Variants in COL4A4 observed in about 807,000 individuals in gnomAD.
COL4A4 encodes collagen type IV alpha 4 chain, also known as collagen alpha-4(IV) chain.
Under a neutral mutation model 192.9 loss-of-function variants are expected in COL4A4, and 105 were observed. The ratio of observed to expected loss-of-function variants is 0.54; its 90% confidence interval spans 0.46 to 0.64. The LOEUF (loss-of-function observed/expected upper bound fraction) is 0.64, where lower values mean the gene tolerates loss of function less well. COL4A4 is among the 30% of genes least tolerant of loss of function. COL4A4 has a pLI of 0.00. For synonymous variants in COL4A4, 762 were observed against 769.9 expected, an observed-to-expected ratio of 0.99 and a Z score of 0.17; for missense variants, 1,967 against 2,169.3, an observed-to-expected ratio of 0.91 and a Z score of 1.85.
chr2:227,004,618 G>A lies in COL4A4; in HGVS notation c.*2707C>T, dbSNP rs1259456654. 6.6e-6 allele frequency: 1 copy of A among 152,326 alleles called. No individual in the cohort carries two copies. Among genetic ancestry groups the A allele is most frequent in the Non-Finnish European group, 1.5e-5 (1 of 68,114 alleles). The allele number at this position is 152,326 out of a possible 1,614,324, so 9.4% of individuals were successfully genotyped here. A position where few individuals can be genotyped will look rare whatever the true frequency, so the allele number is the denominator to read the frequency against. On this transcript the variant is annotated 3_prime_UTR_variant, in exon 48 of 48. Transcript: ENST00000396625. ...GAGGTGGAAAACAAAGGCTGTGTGA[G>A]ACGGGCACGGGGCTAAAGAGGAGGT...
the COL4A4 span, among the ~76,000 whole-genome samples, chr2:226,975,227 G>T: frequency 1.3e-5 from 2 of 152,036 alleles, no homozygotes; most frequent in African/African-American, 4.8e-5. Flanking sequence ...TAGAAAAGGT[G>T]GAATCGATGC....
At chr2:227,052,501 A>T (rs1376753621) in intron 31 of COL4A4, 89 bp from the exon 32 acceptor site, 9 of 796,916 alleles carry the variant, frequency 1.1e-5, no homozygotes, top group Non-Finnish European at 2.0e-5. Flanking sequence ...CAAATCGCAA[A>T]TTCCCACTTA....
chr2:227,007,465 C>CA lies in COL4A4; in HGVS notation c.4932_4933insT (p.Ala1645CysfsTer3), dbSNP rs1198837162. The CA allele has an allele frequency of 2.5e-6, 4 of 1,614,008 alleles. No homozygotes were observed. The highest frequency in any genetic ancestry group is 1.3e-5 in the African/African-American group (1 of 74,918). On this transcript the variant is annotated frameshift_variant, in exon 48 of 48. Transcript: ENST00000396625. LOFTEE classifies it high-confidence loss of function. ...GTGAGCCAGAAGCTATACTTATTTG[C>CA]GAAAAAGTGGCAAGTTCCCTGCCGG...
intron 18 of COL4A4, 73 bp downstream of exon 18, chr2:227,099,547 C>T: frequency 7.3e-7 from 1 of 1,373,368 alleles, no homozygotes; most frequent in Non-Finnish European, 1.0e-6. Flanking sequence ...AATACTGGGC[C>T]AGACTCTTCT....
At chr2:227,065,219 C>T (rs113263886) in intron 25 of COL4A4, among the ~76,000 whole-genome samples, 5,759 of 152,338 alleles carry the variant, frequency 0.038, 366 homozygotes, top group African/African-American at 0.13. Flanking sequence ...ACATCCCGCA[C>T]CTGGCTCGGA....
intron 44 of COL4A4, among the ~76,000 whole-genome samples, chr2:227,021,825 A>AAAAATAAAAT (rs58851340): frequency 7.6e-4 from 114 of 149,144 alleles, no homozygotes; most frequent in East Asian, 2.8e-3. Flanking sequence ...ACTCCATCTC[A>AAAAATAAAAT]AAAATAAAAT....
intron 12 of COL4A4, among the ~76,000 whole-genome samples, chr2:227,107,243 C>A (rs917395476): frequency 1.3e-5 from 2 of 152,124 alleles, no homozygotes; most frequent in Non-Finnish European, 2.9e-5. Flanking sequence ...TGTTTTGATA[C>A]ATTTTAAGTT....
rs1371732376 is a variant in COL4A4, at chr2:227,088,662, T to C, written c.1614A>G (p.Pro538=). Residue 538 remains proline (P), a synonymous_variant, in exon 22 of 48, where the codon CCA becomes CCG. Coordinates refer to ENST00000396625, the MANE Select transcript of COL4A4 (RefSeq NM_000092.5). ...DPGPPGAEGP[P]GLPGKHGASG... ...GGTAAGAGGTACTCACTGGTAGCCC[T>C]GGAGGTCCTTCAGCACCAGGAGGTC... 1 of 1,614,178 alleles carries C rather than the reference T, an allele frequency of 6.2e-7. No homozygotes were observed. The highest frequency in any genetic ancestry group is 1.6e-4 in the Middle Eastern group (1 of 6,062).
At chr2:227,007,652 G>A in intron 47 of COL4A4, 64 bp from the exon 48 acceptor site, 2 of 1,603,296 alleles carry the variant, frequency 1.2e-6, no homozygotes, top group Non-Finnish European at 1.7e-6. Context: ...ACCCAATCAG[G>A]GACACACCCA....
At chr2:226,986,927 C>G in the COL4A4 span, among the ~76,000 whole-genome samples, 2 of 152,336 alleles carry the variant, frequency 1.3e-5, no homozygotes, top group South Asian at 4.1e-4. Context: ...GGGGCCAACC[C>G]AAATGCCCAT....
the COL4A4 span, among the ~76,000 whole-genome samples, chr2:226,993,079 T>C: frequency 6.6e-6 from 1 of 152,248 alleles, no homozygotes; most frequent in East Asian, 1.9e-4. Context: ...GCCCTGCAAA[T>C]GGGTCCAAGG....
intron 1 of COL4A4, among the ~76,000 whole-genome samples, chr2:227,155,866 T>G (rs1299401695): frequency 6.6e-6 from 1 of 152,122 alleles, no homozygotes; most frequent in Non-Finnish European, 1.5e-5. Context: ...AGTAATTAAT[T>G]AATTATGCAA....
At chr2:227,082,914 G>C (rs56114952) in intron 22 of COL4A4, among the ~76,000 whole-genome samples, 11,702 of 152,178 alleles carry the variant, frequency 0.077, 476 homozygotes, top group East Asian at 0.19. Flanking sequence ...ACATATTACT[G>C]AATATCAAAC....
At chr2:227,147,085 G>A (rs929303961) in intron 2 of COL4A4, among the ~76,000 whole-genome samples, 1 of 152,200 alleles carries the variant, frequency 6.6e-6, no homozygotes, top group African/African-American at 2.4e-5. Context: ...TTGTGAAGTA[G>A]TCTGTCCTAA....
At chr2:227,041,852 A>AAGAAAGAAAGAAAGAGAGAGAGAG (rs1971345867) in intron 37 of COL4A4, among the ~76,000 whole-genome samples, 1 of 71,366 alleles carries the variant, frequency 1.4e-5, no homozygotes, top group Non-Finnish European at 2.8e-5. Context: ...AAGAAAGAGA[A>AAGAAAGAAAGAAAGAGAGAGAGAG]AGAAAGAAAG....
chr2:227,066,130 G>T (rs1264068655), intron 25 of COL4A4, among the ~76,000 whole-genome samples: 6 of 151,982 alleles, frequency 3.9e-5, no homozygotes, highest in Non-Finnish European at 8.8e-5. Context: ...TATCAGCGAT[G>T]GAAGATGAAA....
the COL4A4 span, among the ~76,000 whole-genome samples, chr2:226,980,396 A>G: frequency 2.0e-5 from 3 of 152,192 alleles, no homozygotes; most frequent in South Asian, 4.1e-4. Flanking sequence ...TTCTAAGCAG[A>G]ATGAAATGCC....
At chr2:227,117,106 G>T (rs930857048) in intron 7 of COL4A4, among the ~76,000 whole-genome samples, 2 of 152,154 alleles carry the variant, frequency 1.3e-5, no homozygotes, top group Non-Finnish European at 2.9e-5. Context: ...CTCATCAGTT[G>T]ATAAGGTTTC....
intron 4 of COL4A4, among the ~76,000 whole-genome samples, chr2:227,124,612 GA>G (rs1222999597): frequency 1.3e-5 from 2 of 152,156 alleles, no homozygotes; most frequent in African/African-American, 4.8e-5. Context: ...TATGTATTAT[GA>G]AAAAGACAAC....
Sources: gnomAD v4.1 joint callset for allele counts (sites outside exome capture counted in the v4.1 genomes callset) on GRCh38, gnomAD v4.1.1 for gene constraint, MANE v1.5 for transcripts, NCBI Gene and HGNC (gene_info 2026-07-23, HGNC 2026-07-21) for gene names.